Variants in CCSER1 observed in about 807,000 individuals in gnomAD.
CCSER1 encodes coiled-coil serine rich protein 1, also known as serine-rich coiled-coil domain-containing protein 1.
In CCSER1, 41 loss-of-function variants were observed where a neutral mutation model predicts 82.0. The observed-to-expected ratio is 0.50, with a 90% CI of 0.39 to 0.65. The LOEUF (loss-of-function observed/expected upper bound fraction) is 0.65, where lower values mean the gene tolerates loss of function less well. Among genes scored for constraint, CCSER1 ranks in the 30% least tolerant of loss-of-function variants. CCSER1 has a pLI of 0.00. For missense variants in CCSER1, 1,119 were observed against 1,064.2 expected (o/e 1.05, Z -0.72); for synonymous variants, 414 against 383.9 (o/e 1.08, Z -0.92).
chr4:91,217,151 T>C (rs2149093607), intron 10 of CCSER1, among the ~76,000 whole-genome samples: 1 of 152,208 alleles, frequency 6.6e-6, no homozygotes, highest in African/African-American at 2.4e-5. Flanking sequence ...GTGTTACAGC[T>C]CTTAAAAGCA....
chr4:90,278,070 A>G (rs1298355996), intron 1 of CCSER1, among the ~76,000 whole-genome samples: 3 of 151,318 alleles, frequency 2.0e-5, no homozygotes, highest in African/African-American at 7.4e-5. Flanking sequence ...CCACAAGCTT[A>G]TGAAAAAATG....
intron 6 of CCSER1, among the ~76,000 whole-genome samples, chr4:90,638,289 T>C (rs1725806927): frequency 1.3e-5 from 2 of 152,122 alleles, no homozygotes. Flanking sequence ...GGTTTCCATG[T>C]TTATCAAAAC....
At chr4:90,159,231 A>T (rs974067828) in intron 1 of CCSER1, among the ~76,000 whole-genome samples, 2 of 151,908 alleles carry the variant, frequency 1.3e-5, no homozygotes, top group African/African-American at 4.8e-5. Context: ...TTACTTGAGA[A>T]ATGGAGCCTC....
At chr4:90,671,418 C>T (rs976897916) in intron 6 of CCSER1, among the ~76,000 whole-genome samples, 2 of 152,078 alleles carry the variant, frequency 1.3e-5, no homozygotes, top group Non-Finnish European at 2.9e-5. Flanking sequence ...GTGTTCACAG[C>T]ATCTTCAGCA....
chr4:90,896,653 T>C (rs1003766293), intron 8 of CCSER1, among the ~76,000 whole-genome samples: 3 of 151,932 alleles, frequency 2.0e-5, no homozygotes, highest in Non-Finnish European at 2.9e-5. Flanking sequence ...GCCAATATTT[T>C]TAAATATAAA....
chr4:90,801,724 T>C (rs72877435), intron 7 of CCSER1, among the ~76,000 whole-genome samples: 3,044 of 152,314 alleles, frequency 0.02, 81 homozygotes, highest in African/African-American at 0.063. Context: ...ACTTTGATCA[T>C]GGATATATTT....
At chr4:90,553,815 C>T (rs1220640082) in intron 5 of CCSER1, among the ~76,000 whole-genome samples, 1 of 152,134 alleles carries the variant, frequency 6.6e-6, no homozygotes, top group African/African-American at 2.4e-5. Context: ...CTTATTAATT[C>T]ATTTAAACCT....
chr4:90,726,187 T>G (rs1452915916), intron 7 of CCSER1, among the ~76,000 whole-genome samples: 1 of 151,936 alleles, frequency 6.6e-6, no homozygotes, highest in Non-Finnish European at 1.5e-5. Flanking sequence ...CTCAGAACAG[T>G]TGGAGGAAGA....
intron 3 of CCSER1, among the ~76,000 whole-genome samples, chr4:90,350,743 A>G (rs1743278170): frequency 6.6e-6 from 1 of 152,122 alleles, no homozygotes. Flanking sequence ...TTCAAAGAGA[A>G]ATTTTAAAAG....
At chr4:90,955,393 T>A (rs1432621534) in intron 9 of CCSER1, among the ~76,000 whole-genome samples, 1 of 152,064 alleles carries the variant, frequency 6.6e-6, no homozygotes, top group Non-Finnish European at 1.5e-5. Flanking sequence ...ATAAGGCAAA[T>A]CAACTGAAGG....
intron 10 of CCSER1, among the ~76,000 whole-genome samples, chr4:91,457,387 C>G (rs946857525): frequency 1.1e-4 from 17 of 151,830 alleles, no homozygotes; most frequent in African/African-American, 4.1e-4. Context: ...TTTTAATTGG[C>G]TAGGTTTGGT....
At position 91,598,694 on chromosome 4, in the gene CCSER1, C is replaced by T; in HGVS notation, c.2340C>T (p.Asn780=). 6.4e-7 allele frequency: 1 copy of T among 1,551,428 alleles called. No homozygotes were observed. The highest frequency in any genetic ancestry group is 1.4e-5 in the African/African-American group (1 of 73,090). ...CGGACCAGACAAGCCCCTACAAAAA[C>T]AAGACCTGTCAACTCCCAAGTCTCT... ...SAADQTSPYK[N]KTCQLPSLCL... The change falls in exon 11 of 11, where the codon AAC becomes AAT. Residue 780 remains asparagine (N), a synonymous_variant. Coordinates refer to ENST00000509176, the MANE Select transcript of CCSER1 (RefSeq NM_001145065.2).
At chr4:90,577,273 A>G (rs1235939592) in intron 5 of CCSER1, among the ~76,000 whole-genome samples, 1 of 152,082 alleles carries the variant, frequency 6.6e-6, no homozygotes, top group African/African-American at 2.4e-5. Flanking sequence ...TTTTTTTCCA[A>G]TATTTACTCT....
intron 1 of CCSER1, among the ~76,000 whole-genome samples, chr4:90,178,185 T>C (rs527797036): frequency 5.3e-5 from 8 of 152,228 alleles, no homozygotes; most frequent in African/African-American, 1.9e-4. Context: ...AAGCCTAAAC[T>C]GCAGCAAATT....
intron 1 of CCSER1, among the ~76,000 whole-genome samples, chr4:90,241,835 A>T (rs773218251): frequency 6.6e-5 from 10 of 152,248 alleles, no homozygotes; most frequent in Non-Finnish European, 1.3e-4. Context: ...AGGTGATGCT[A>T]TAAAAACTAT....
chr4:91,348,280 G>C (rs1316097727), intron 10 of CCSER1, among the ~76,000 whole-genome samples: 1 of 152,076 alleles, frequency 6.6e-6, no homozygotes, highest in African/African-American at 2.4e-5. Flanking sequence ...AGGGATTATA[G>C]TAATTGATTT....
At chr4:90,551,463 C>T (rs1268275584) in intron 5 of CCSER1, among the ~76,000 whole-genome samples, 1 of 151,932 alleles carries the variant, frequency 6.6e-6, no homozygotes, top group Non-Finnish European at 1.5e-5. Context: ...TTCTTCTATG[C>T]CCAGCCTTCC....
At chr4:90,271,753 A>T (rs1009252817) in intron 1 of CCSER1, among the ~76,000 whole-genome samples, 1 of 145,696 alleles carries the variant, frequency 6.9e-6, no homozygotes, top group Non-Finnish European at 1.5e-5. Context: ...CTGACAAGGA[A>T]TTAATAACCA....
At chr4:90,909,028 T>C (rs1725927943) in intron 8 of CCSER1, among the ~76,000 whole-genome samples, 1 of 152,162 alleles carries the variant, frequency 6.6e-6, no homozygotes, top group Non-Finnish European at 1.5e-5. Flanking sequence ...CCATATTTCC[T>C]CTGAGGGCTC....
Sources: allele counts gnomAD v4.1 joint callset (sites outside exome capture counted in the v4.1 genomes callset), GRCh38; gene constraint gnomAD v4.1.1; transcripts MANE v1.5; gene names NCBI Gene and HGNC (gene_info 2026-07-23, HGNC 2026-07-21).